The following TENM2 variants were observed in gnomAD, a reference collection of about 807,000 sequenced individuals.
The protein encoded by TENM2 is teneurin-2.
Under a neutral mutation model 245.2 loss-of-function variants are expected in TENM2, and 52 were observed. The ratio of observed to expected loss-of-function variants is 0.21; its 90% CI spans 0.17 to 0.27. The LOEUF is 0.27. TENM2 is among the 10% of genes least tolerant of loss of function. The pLI, the probability that TENM2 is intolerant of heterozygous loss-of-function variation, is 1.00. For missense variants in TENM2, 3,046 were observed against 3,666.8 expected (o/e 0.83, Z 4.37); for synonymous variants, 1,363 against 1,438.9 (o/e 0.95, Z 1.19).
chr5:167,385,153 G>A lies in TENM2; in HGVS notation c.502+9680G>A, dbSNP rs1318054776. On this transcript the variant is annotated intron_variant, in intron 2 of 28. Coordinates refer to ENST00000518659, the Ensembl canonical transcript of TENM2. ...TCATAATATTATTTTTAAGGGCACA[G>A]TAAGTGTGTTGTAGGTGAACGTTGG... Among the ~76,000 whole-genome samples the A allele has an allele frequency of 2.6e-5, 4 of 152,142 alleles. No individual in the cohort carries two copies. In the South Asian group the frequency reaches 8.3e-4, roughly 32 times the overall value.
the TENM2 span, among the ~76,000 whole-genome samples, chr5:167,219,865 G>A: frequency 6.6e-6 from 1 of 152,130 alleles, no homozygotes; most frequent in Non-Finnish European, 1.5e-5. Context: ...CTTTCAACTA[G>A]GAAATTTCAC....
intron 2 of TENM2, among the ~76,000 whole-genome samples, chr5:167,415,967 CAGG>C (rs2127413767): frequency 6.6e-6 from 1 of 152,202 alleles, no homozygotes; most frequent in East Asian, 1.9e-4. Context: ...GATGAATTGT[CAGG>C]AGAAGTAATT....
intron 6 of TENM2, 23 bp downstream of exon 8, chr5:168,047,572 C>T: frequency 6.4e-7 from 1 of 1,550,808 alleles, no homozygotes; most frequent in Non-Finnish European, 8.7e-7. Context: ...CTGCTGCTTG[C>T]CCTCTTGAGG....
chr5:167,119,790 C>G, the TENM2 span, among the ~76,000 whole-genome samples: 1 of 152,156 alleles, frequency 6.6e-6, no homozygotes, highest in East Asian at 1.9e-4. Context: ...CTGTGCTGGT[C>G]GTGGAGGAGG....
chr5:167,872,354 G>A (rs113157973), intron 2 of TENM2, among the ~76,000 whole-genome samples: 1 of 108,300 alleles, frequency 9.2e-6, no homozygotes, highest in Admixed American at 9.8e-5. Flanking sequence ...AAGAAAGAAA[G>A]GAAAGAGAAG....
chr5:167,205,783 C>T, the TENM2 span, among the ~76,000 whole-genome samples: 1 of 152,166 alleles, frequency 6.6e-6, no homozygotes, highest in East Asian at 1.9e-4. Context: ...AGCAAGCCTG[C>T]ATCTCTTTCT....
intron 13 of TENM2, among the ~76,000 whole-genome samples, chr5:168,164,116 T>A (rs1757999582): frequency 6.6e-6 from 1 of 152,218 alleles, no homozygotes; most frequent in Non-Finnish European, 1.5e-5. Flanking sequence ...TTTGTGTAAG[T>A]GCGCTGGCTC....
At chr5:167,641,780 A>G (rs544431292) in intron 2 of TENM2, among the ~76,000 whole-genome samples, 1 of 152,266 alleles carries the variant, frequency 6.6e-6, no homozygotes, top group African/African-American at 2.4e-5. Context: ...TGCTTCAGAG[A>G]ATTGTTGCAA....
intron 2 of TENM2, among the ~76,000 whole-genome samples, chr5:167,709,235 T>C (rs2150476395): frequency 6.6e-6 from 1 of 152,362 alleles, no homozygotes. Flanking sequence ...GTTCACTGCG[T>C]GGTCTTCTCT....
intron 2 of TENM2, among the ~76,000 whole-genome samples, chr5:167,506,827 A>C (rs1235859598): frequency 6.6e-6 from 1 of 152,224 alleles, no homozygotes; most frequent in Non-Finnish European, 1.5e-5. Context: ...TTTGCTGTAT[A>C]GTATCTGGAG....
intron 1 of TENM2, among the ~76,000 whole-genome samples, chr5:167,373,118 G>A (rs1274924863): frequency 6.6e-6 from 1 of 152,166 alleles, no homozygotes; most frequent in Non-Finnish European, 1.5e-5. Context: ...CAATGAATAA[G>A]TTTCATTCTG....
chr5:166,991,491 G>A, the TENM2 span, among the ~76,000 whole-genome samples: 4 of 151,680 alleles, frequency 2.6e-5, no homozygotes, highest in South Asian at 8.3e-4. Context: ...TTTTTGTTCT[G>A]TGTAGTTAAT....
At position 168,078,033 on chromosome 5, in the gene TENM2, C is replaced by T. The variant is rs546681125; in HGVS notation, c.1516-12541C>T. Among the ~76,000 whole-genome samples, 9 of 152,314 alleles carry T rather than the reference C, an allele frequency of 5.9e-5. No individual in the cohort carries two copies. The South Asian group carries it at 6.2e-4, about 11-fold the overall frequency. Reference sequence around the variant, plus strand: ...CTTCCACAATGGTTGAACTAGTTTACGCTCCCACAAACAGCGTAAAAATGT... The same window carrying T: ...CTTCCACAATGGTTGAACTAGTTTATGCTCCCACAAACAGCGTAAAAATGT... On this transcript the variant is annotated intron_variant, in intron 7 of 28. Transcript: ENST00000518659.
At chr5:168,124,955 A>C (rs1240127512) in exon 11 of TENM2, 1 of 1,612,260 alleles carries the variant, frequency 6.2e-7, no homozygotes, top group East Asian at 2.2e-5. Context: ...GCGAGGGTCC[A>C]GTGCCCAGAC....
intron 2 of TENM2, among the ~76,000 whole-genome samples, chr5:167,723,297 C>T (rs923179374): frequency 1.3e-5 from 2 of 152,150 alleles, no homozygotes; most frequent in Non-Finnish European, 2.9e-5. Flanking sequence ...CCTGAGTCCT[C>T]ATCTAGTGCC....
intron 2 of TENM2, among the ~76,000 whole-genome samples, chr5:167,801,905 GACACAC>G (rs10643504): frequency 2.7e-5 from 4 of 149,378 alleles, no homozygotes; most frequent in Admixed American, 6.7e-5. Flanking sequence ...CACACACACA[GACACAC>G]ACACACACAC....
intron 12 of TENM2, among the ~76,000 whole-genome samples, chr5:168,127,424 C>T (rs2152362611): frequency 6.6e-6 from 1 of 152,264 alleles, no homozygotes; most frequent in Middle Eastern, 3.4e-3. Flanking sequence ...TAGCAGGTAC[C>T]ACGGTAAGGT....
chr5:168,018,940 G>A (rs1015336736), intron 5 of TENM2, among the ~76,000 whole-genome samples: 3 of 152,182 alleles, frequency 2.0e-5, no homozygotes, highest in Admixed American at 6.5e-5. Context: ...GACCACGCCT[G>A]TGCTAGCATG....
chr5:167,449,955 A>T (rs992844605), intron 2 of TENM2, among the ~76,000 whole-genome samples: 2 of 152,136 alleles, frequency 1.3e-5, no homozygotes, highest in African/African-American at 4.8e-5. Context: ...TGAAACTCTG[A>T]CTCAAAGAAA....
Sources: gnomAD v4.1 joint callset for allele counts (sites outside exome capture counted in the v4.1 genomes callset) on GRCh38, gnomAD v4.1.1 for gene constraint, MANE v1.5 for transcripts, NCBI Gene and HGNC (gene_info 2026-07-23, HGNC 2026-07-21) for gene names.